The following C1orf87 variants were observed in gnomAD, a reference collection of about 807,000 sequenced individuals.
The protein encoded by C1orf87 is chromosome 1 open reading frame 87.
C1orf87 carries 58 observed loss-of-function variants against 60.5 expected under a neutral mutation model. The observed-to-expected ratio is 0.96, with a 90% CI of 0.78 to 1.19. The LOEUF is 1.19. Among genes scored for constraint, C1orf87 ranks in the 50% most tolerant of loss-of-function variants. The pLI is 0.00. For missense variants in C1orf87, 673 were observed against 638.6 expected, an observed-to-expected ratio of 1.05 and a Z score of -0.58; for synonymous variants, 236 against 227.4, an observed-to-expected ratio of 1.04 and a Z score of -0.34.
At chr1:60,031,679 T>C (rs1645238573) in intron 7 of C1orf87, among the ~76,000 whole-genome samples, 1 of 152,162 alleles carries the variant, frequency 6.6e-6, no homozygotes, top group South Asian at 2.1e-4. Flanking sequence ...ACACAGGAGA[T>C]AGATATTTGG....
intron 9 of C1orf87, among the ~76,000 whole-genome samples, chr1:60,009,574 A>G (rs1645068486): frequency 6.6e-6 from 1 of 151,886 alleles, no homozygotes; most frequent in African/African-American, 2.4e-5. Context: ...AATACCTAGT[A>G]AAGTTTCTTA....
chr1:60,011,106 G>C (rs1407641872), intron 8 of C1orf87, among the ~76,000 whole-genome samples: 1 of 151,956 alleles, frequency 6.6e-6, no homozygotes, highest in African/African-American at 2.4e-5. Context: ...ATAAATATGA[G>C]TTCTGAGTGC....
intron 8 of C1orf87, among the ~76,000 whole-genome samples, chr1:60,015,570 C>A (rs960956016): frequency 6.6e-5 from 10 of 152,134 alleles, no homozygotes; most frequent in Non-Finnish European, 1.3e-4. Flanking sequence ...TATTCTGAGG[C>A]CTATTTCCTT....
chr1:59,993,936 T>A (rs866246149), intron 11 of C1orf87, among the ~76,000 whole-genome samples: 3 of 152,006 alleles, frequency 2.0e-5, no homozygotes, highest in Non-Finnish European at 4.4e-5. Flanking sequence ...TTTTTGTATT[T>A]TTAGTAGAAA....
chr1:60,072,415 C>A, intron 2 of C1orf87, 122 bp downstream of exon 2: 2 of 662,114 alleles, frequency 3.0e-6, no homozygotes, highest in Non-Finnish European at 5.1e-6. Context: ...TCTACTGTTG[C>A]ATCTTAATGA....
intron 2 of C1orf87, among the ~76,000 whole-genome samples, chr1:60,067,887 G>T (rs923606201): frequency 6.6e-6 from 1 of 151,942 alleles, no homozygotes; most frequent in African/African-American, 2.4e-5. Flanking sequence ...TCCATCTTGA[G>T]TTAATTTTTG....
chr1:60,063,239 G>T (rs116838526), intron 2 of C1orf87, among the ~76,000 whole-genome samples: 247 of 152,202 alleles, frequency 1.6e-3, no homozygotes, highest in African/African-American at 5.8e-3. Flanking sequence ...AAGGCTTATT[G>T]ATCAGTTGTT....
chr1:60,029,646 T>TTG (rs1645223023), intron 7 of C1orf87, among the ~76,000 whole-genome samples: 2 of 145,232 alleles, frequency 1.4e-5, no homozygotes, highest in Admixed American at 1.4e-4. Context: ...AGTTTTTTTT[T>TTG]TTTTTTTTTT....
chr1:60,035,969 T>TA (rs1240067305), intron 6 of C1orf87, among the ~76,000 whole-genome samples: 3 of 152,236 alleles, frequency 2.0e-5, no homozygotes, highest in African/African-American at 7.2e-5. Context: ...CTAGGACTCA[T>TA]AAGACCTTAC....
intron 5 of C1orf87, among the ~76,000 whole-genome samples, chr1:60,039,367 G>A (rs1645301548): frequency 6.6e-6 from 1 of 152,138 alleles, no homozygotes; most frequent in Non-Finnish European, 1.5e-5. Flanking sequence ...GTATGAGCTT[G>A]GAAAATACAA....
intron 2 of C1orf87, among the ~76,000 whole-genome samples, chr1:60,063,516 C>A: frequency 6.6e-6 from 1 of 152,218 alleles, no homozygotes; most frequent in South Asian, 2.1e-4. Flanking sequence ...GAACAAAATC[C>A]AAAGTTTCTA....
At chr1:59,991,846 T>A (rs1644925829) in intron 11 of C1orf87, among the ~76,000 whole-genome samples, 1 of 152,028 alleles carries the variant, frequency 6.6e-6, no homozygotes, top group Admixed American at 6.6e-5. Context: ...GACCACGGCA[T>A]CACTGAAGAT....
chr1:60,034,644 A>T (rs572092248), intron 6 of C1orf87, among the ~76,000 whole-genome samples: 1 of 152,276 alleles, frequency 6.6e-6, no homozygotes, highest in Admixed American at 6.5e-5. Context: ...CTGAATGAGG[A>T]GTTGGGAAGA....
intron 6 of C1orf87, among the ~76,000 whole-genome samples, chr1:60,034,042 T>C (rs1296021988): frequency 3.3e-5 from 5 of 152,338 alleles, no homozygotes; most frequent in Admixed American, 6.5e-5. Flanking sequence ...ATTTCGAAAC[T>C]GCTCACTGCC....
chr1:60,023,368 G>A (rs1232790880), intron 8 of C1orf87, among the ~76,000 whole-genome samples: 2 of 152,060 alleles, frequency 1.3e-5, no homozygotes, highest in Non-Finnish European at 2.9e-5. Context: ...GTGATGCTCT[G>A]TTAGTTTTTC....
chr1:60,003,363 C>CGT (rs1645020936), intron 9 of C1orf87, among the ~76,000 whole-genome samples: 3 of 151,514 alleles, frequency 2.0e-5, no homozygotes, highest in Non-Finnish European at 2.9e-5. Flanking sequence ...GGAGATATAC[C>CGT]TAATGATAGA....
intron 9 of C1orf87, among the ~76,000 whole-genome samples, chr1:60,005,705 A>T (rs1462355606): frequency 6.6e-6 from 1 of 152,002 alleles, no homozygotes; most frequent in Non-Finnish European, 1.5e-5. Context: ...AAGGGAAGAG[A>T]AATGGGTGAA....
chr1:60,023,276 T>C (rs1645176105), intron 8 of C1orf87, among the ~76,000 whole-genome samples: 1 of 152,194 alleles, frequency 6.6e-6, no homozygotes, highest in South Asian at 2.1e-4. Context: ...TTGTTCAACA[T>C]ACTTTTCTTC....
chr1:60,064,929 A>G (rs2100331754), intron 2 of C1orf87, among the ~76,000 whole-genome samples: 1 of 98,168 alleles, frequency 1.0e-5, no homozygotes, highest in South Asian at 2.8e-4. Context: ...ATTATATAAT[A>G]TATAATATAA....
Sources: gnomAD v4.1 joint callset for allele counts (sites outside exome capture counted in the v4.1 genomes callset) on GRCh38, gnomAD v4.1.1 for gene constraint, MANE v1.5 for transcripts, NCBI Gene and HGNC (gene_info 2026-07-23, HGNC 2026-07-21) for gene names.